Variants in ZNF676 observed in about 807,000 individuals in gnomAD.
ZNF676 encodes zinc finger protein 676.
A neutral mutation model predicts 6.0 loss-of-function variants in ZNF676; 4 were observed. The ratio of observed to expected loss-of-function variants is 0.67; its 90% CI spans 0.33 to 1.53. The LOEUF (loss-of-function observed/expected upper bound fraction) is 1.53, where lower values mean the gene tolerates loss of function less well. ZNF676 is among the 40% of genes most tolerant of loss of function. The probability of loss-of-function intolerance (pLI) is 0.06; values close to 1 mark genes in which losing one functional copy is unlikely to be tolerated. For missense variants in ZNF676, 644 were observed against 679.7 expected (o/e 0.95, Z 0.58); for synonymous variants, 198 against 223.1 (o/e 0.89, Z 1.00).
chr19:22,235,727 C>T, the ZNF676 span, among the ~76,000 whole-genome samples: 168 of 152,132 alleles, frequency 1.1e-3, no homozygotes, highest in Admixed American at 1.8e-3. Context: ...AAGCAAAAAG[C>T]GATAGAGGTC....
At chr19:22,219,759 G>A (rs2024229193), upstream of ZNF676, among the ~76,000 whole-genome samples, 3 of 151,776 alleles carry the variant, frequency 2.0e-5, no homozygotes, top group South Asian at 6.2e-4. Context: ...AGACTCAAGC[G>A]ATTCTCCCGC....
chr19:22,232,689 AT>A, the ZNF676 span, among the ~76,000 whole-genome samples: 1 of 152,092 alleles, frequency 6.6e-6, no homozygotes, highest in African/African-American at 2.4e-5. Flanking sequence ...TCTTAACATA[AT>A]TTTTAAAACT....
chr19:22,209,441 T>C (rs970242438), intron 1 of ZNF676, among the ~76,000 whole-genome samples: 17 of 150,990 alleles, frequency 1.1e-4, no homozygotes, highest in Non-Finnish European at 2.1e-4. Context: ...TATTTATAAG[T>C]AAGAGATAAA....
the ZNF676 span, chr19:22,244,038 CT>C: frequency 0.57 from 70,584 of 123,722 alleles, 18,240 homozygotes; most frequent in South Asian, 0.77. Context: ...TCTTTCTTCT[CT>C]TTTTTTTTTT....
At chr19:22,198,842 G>A (rs900375037), upstream of ZNF676, among the ~76,000 whole-genome samples, 8 of 152,098 alleles carry the variant, frequency 5.3e-5, no homozygotes, top group Middle Eastern at 3.4e-3. Context: ...TATGGGCCAC[G>A]GTGTACTGTC....
intron 1 of ZNF676, among the ~76,000 whole-genome samples, chr19:22,195,103 T>C (rs1297475783): frequency 1.3e-5 from 2 of 152,160 alleles, no homozygotes. Flanking sequence ...CAGGGGAATA[T>C]ATAGTGCAAT....
At chr19:22,246,501 C>A in the ZNF676 span, among the ~76,000 whole-genome samples, 268 of 152,218 alleles carry the variant, frequency 1.8e-3, no homozygotes, top group African/African-American at 5.1e-3. Context: ...GTGCTCCTTG[C>A]AGGTAGAGCT....
intron 1 of ZNF676, among the ~76,000 whole-genome samples, chr19:22,211,875 T>A (rs529117257): frequency 6.6e-6 from 1 of 151,996 alleles, no homozygotes; most frequent in Non-Finnish European, 1.5e-5. Flanking sequence ...AAAAGCTAGA[T>A]GGAATTGTTT....
rs149214700 is a variant in ZNF676 at position 22,194,337 on chromosome 19, C to A, written c.35-1226G>T. 5.3e-3 allele frequency among the ~76,000 whole-genome samples: 811 copies of A among 152,208 alleles called. 6 individuals are homozygous for A. Among genetic ancestry groups the A allele is most frequent in the African/African-American group, 0.018 (758 of 41,534 alleles). ...ATTCTAACCTATGAAAATGTAAATGCAGATTGCAAGTGTGCAATGGCTCCT... is the reference window on the plus strand; with the variant it reads ...ATTCTAACCTATGAAAATGTAAATGAAGATTGCAAGTGTGCAATGGCTCCT... On this transcript the variant is annotated intron_variant, in intron 1 of 2. Coordinates refer to ENST00000397121, the MANE Select transcript of ZNF676 (RefSeq NM_001001411.3).
upstream of ZNF676, among the ~76,000 whole-genome samples, chr19:22,219,246 T>A (rs2024224930): frequency 6.6e-6 from 1 of 151,722 alleles, no homozygotes; most frequent in South Asian, 2.1e-4. Context: ...TTACAGCCAC[T>A]TGCCACTGCA....
chr19:22,205,405 GA>G (rs1279565223), intron 1 of ZNF676, among the ~76,000 whole-genome samples: 1 of 151,558 alleles, frequency 6.6e-6, no homozygotes, highest in Non-Finnish European at 1.5e-5. Context: ...CACACAATCA[GA>G]AAAAAAACAA....
chr19:22,194,780 C>T (rs1383005945), intron 1 of ZNF676, among the ~76,000 whole-genome samples: 1 of 152,092 alleles, frequency 6.6e-6, no homozygotes, highest in Non-Finnish European at 1.5e-5. Flanking sequence ...TGACGGCATT[C>T]CCAGTTCAGG....
chr19:22,208,440 A>G (rs1000077987), intron 1 of ZNF676, among the ~76,000 whole-genome samples: 8 of 152,310 alleles, frequency 5.3e-5, no homozygotes, highest in African/African-American at 1.9e-4. Context: ...ATTATAATTC[A>G]ACCATTGTGA....
At chr19:22,259,522 C>T in the ZNF676 span, among the ~76,000 whole-genome samples, 3 of 152,168 alleles carry the variant, frequency 2.0e-5, no homozygotes, top group African/African-American at 7.2e-5. Flanking sequence ...AGTGAAGTCA[C>T]CTGTGTGCTG....
chr19:22,182,325 T>C lies in ZNF676; in HGVS notation c.131-739A>G, dbSNP rs186493066. ...TAAATTTTGTGACAGGTGGCCTTTTTAAATGTCCAAATCTCAAAGATTACA... is the reference window on the plus strand; with the variant it reads ...TAAATTTTGTGACAGGTGGCCTTTTCAAATGTCCAAATCTCAAAGATTACA... On this transcript the variant is annotated intron_variant, in intron 2 of 2. Coordinates refer to ENST00000397121, the MANE Select transcript of ZNF676 (RefSeq NM_001001411.3). Among the ~76,000 whole-genome samples, 24 of 152,196 alleles carry C rather than the reference T, an allele frequency of 1.6e-4. No individual in the cohort carries two copies. The East Asian group carries it at 1.9e-3, about 12-fold the overall frequency.
chr19:22,219,678 C>T (rs281195), upstream of ZNF676, among the ~76,000 whole-genome samples: 57,196 of 150,668 alleles, frequency 0.38, 11,069 homozygotes, highest in African/African-American at 0.42. Flanking sequence ...TTTTCTCGGA[C>T]GGAGTCTCGC....
the ZNF676 span, among the ~76,000 whole-genome samples, chr19:22,241,210 C>T: frequency 3.3e-5 from 5 of 151,942 alleles, no homozygotes; most frequent in Non-Finnish European, 7.3e-5. Context: ...ACATCAGAAT[C>T]ACACCAGCAG....
At chr19:22,230,667 A>AT in the ZNF676 span, among the ~76,000 whole-genome samples, 1 of 118,360 alleles carries the variant, frequency 8.4e-6, no homozygotes, top group Non-Finnish European at 1.7e-5. Flanking sequence ...GTATATATAT[A>AT]TATTTTTTTG....
chr19:22,199,232 G>A (rs1403642142), upstream of ZNF676, among the ~76,000 whole-genome samples: 6 of 152,156 alleles, frequency 3.9e-5, no homozygotes, highest in Admixed American at 2.0e-4. Flanking sequence ...AAACAAGTGC[G>A]CTGTCAATAA....
Sources: allele counts gnomAD v4.1 joint callset (sites outside exome capture counted in the v4.1 genomes callset), GRCh38; gene constraint gnomAD v4.1.1; transcripts MANE v1.5; gene names NCBI Gene and HGNC (gene_info 2026-07-23, HGNC 2026-07-21).